Variants in PTPRD observed in about 807,000 individuals in gnomAD.
The protein encoded by PTPRD is receptor-type tyrosine-protein phosphatase delta.
Under a neutral mutation model 214.5 loss-of-function variants are expected in PTPRD, and 34 were observed. The observed-to-expected ratio is 0.16, with a 90% CI of 0.12 to 0.21. The LOEUF (loss-of-function observed/expected upper bound fraction) is 0.21. Ranked by LOEUF, PTPRD falls within the 10% of genes least tolerant of loss-of-function variation. PTPRD has a pLI of 1.00. For synonymous variants in PTPRD, 1,128 were observed against 845.7 expected (o/e 1.33, Z -5.79); for missense variants, 2,545 against 2,398.7 (o/e 1.06, Z -1.27).
At chr9:9,082,412 G>A (rs2099760615) in intron 10 of PTPRD, among the ~76,000 whole-genome samples, 1 of 152,078 alleles carries the variant, frequency 6.6e-6, no homozygotes, top group Admixed American at 6.6e-5. Flanking sequence ...ACCGCTTCAT[G>A]CTAAAAACTC....
chr9:10,497,830 T>C (rs746660121), intron 2 of PTPRD, among the ~76,000 whole-genome samples: 1 of 152,052 alleles, frequency 6.6e-6, no homozygotes, highest in Non-Finnish European at 1.5e-5. Context: ...TATTGTTTTA[T>C]AAAAATATCC....
rs2096818639 is a variant in PTPRD at position 8,651,870 on chromosome 9, T to TAAC, written c.65-15029_65-15027dup. On this transcript the variant is annotated intron_variant, in intron 12 of 45. Transcript: ENST00000381196. ...AACACTTGGCACTATAGACACAAGGTAACACTACACGAATATTCTTGAAAC... is the reference window on the plus strand; with the variant it reads ...AACACTTGGCACTATAGACACAAGGTAACAACACTACACGAATATTCTTGAAAC... Among the ~76,000 whole-genome samples the TAAC allele has an allele frequency of 2.0e-5, 3 of 152,310 alleles. No individual in the cohort carries two copies. In the South Asian group the frequency reaches 6.2e-4, roughly 32 times the overall value.
intron 9 of PTPRD, among the ~76,000 whole-genome samples, chr9:9,286,944 G>C (rs117824057): frequency 8.9e-6 from 1 of 112,608 alleles, no homozygotes; most frequent in Non-Finnish European, 1.9e-5. Flanking sequence ...ATTTGTCTTT[G>C]GCTGGGCATA....
chr9:8,399,827 G>A (rs934729176), intron 36 of PTPRD, among the ~76,000 whole-genome samples: 8 of 152,136 alleles, frequency 5.3e-5, no homozygotes, highest in Non-Finnish European at 7.4e-5. Flanking sequence ...AAGAACAGCT[G>A]CCTTGAGACT....
At chr9:8,558,684 T>C (rs1195364941) in intron 14 of PTPRD, among the ~76,000 whole-genome samples, 1 of 152,198 alleles carries the variant, frequency 6.6e-6, no homozygotes, top group Non-Finnish European at 1.5e-5. Flanking sequence ...ATAAAAAATG[T>C]CTATTATTTT....
At chr9:9,933,330 C>T (rs1282589527) in intron 5 of PTPRD, among the ~76,000 whole-genome samples, 1 of 151,968 alleles carries the variant, frequency 6.6e-6, no homozygotes, top group African/African-American at 2.4e-5. Context: ...ATTCAGGAAA[C>T]CCATCTCACA....
intron 35 of PTPRD, among the ~76,000 whole-genome samples, chr9:8,431,975 GT>G (rs1269534067): frequency 1.3e-5 from 2 of 152,136 alleles, no homozygotes; most frequent in Admixed American, 6.5e-5. Context: ...TTTTTGGTTG[GT>G]ACGCTATTAA....
intron 30 of PTPRD, among the ~76,000 whole-genome samples, chr9:8,477,353 T>C (rs2096785884): frequency 6.6e-6 from 1 of 152,126 alleles, no homozygotes. Flanking sequence ...ATATTAGATT[T>C]AATTAGATAA....
chr9:9,027,629 G>T (rs79144601), intron 10 of PTPRD, among the ~76,000 whole-genome samples: 1 of 151,788 alleles, frequency 6.6e-6, no homozygotes, highest in Non-Finnish European at 1.5e-5. Context: ...TATCTATCAA[G>T]AGGTCTTAAT....
intron 3 of PTPRD, among the ~76,000 whole-genome samples, chr9:10,128,553 AC>A (rs1277959812): frequency 6.6e-6 from 1 of 152,096 alleles, no homozygotes; most frequent in Non-Finnish European, 1.5e-5. Context: ...TTGATCTAGG[AC>A]TTTCAGCCTC....
intron 10 of PTPRD, among the ~76,000 whole-genome samples, chr9:9,139,039 T>C (rs1006404174): frequency 9.2e-5 from 14 of 152,128 alleles, no homozygotes; most frequent in African/African-American, 3.4e-4. Flanking sequence ...AGAGCCAGGA[T>C]AGACTCTCAA....
intron 11 of PTPRD, among the ~76,000 whole-genome samples, chr9:8,934,506 AATATATATATATAAATAT>A (rs2098982328): frequency 9.6e-5 from 1 of 10,414 alleles, no homozygotes; most frequent in East Asian, 4.6e-3. Flanking sequence ...TATATATATA[AATATATATATATAAATAT>A]ATATATATAT....
chr9:8,561,579 AGGCCC>A (rs1310984137), intron 14 of PTPRD, among the ~76,000 whole-genome samples: 8 of 152,120 alleles, frequency 5.3e-5, no homozygotes, highest in Admixed American at 5.2e-4. Context: ...CTCCAGCAGC[AGGCCC>A]AGGGCTGAGC....
At position 8,544,224 on chromosome 9, in the gene PTPRD, T is replaced by C. The variant is rs555506397; in HGVS notation, c.353-15445A>G. On this transcript the variant is annotated intron_variant, in intron 14 of 45. Coordinates refer to ENST00000381196, the MANE Select transcript of PTPRD (RefSeq NM_002839.4). ...GCTTTTTGCCCAGTCTGGAGGGCAG[T>C]GGTGCCATCTTGGCTCACTGCAACT... Among the ~76,000 whole-genome samples the C allele has an allele frequency of 2.6e-3, 358 of 139,806 alleles. 1 individual carries two copies. The highest frequency in any genetic ancestry group is 3.9e-3 in the Non-Finnish European group (257 of 65,580). 91.7% of individuals were successfully genotyped at this position (139,806 alleles called of 152,430 possible).
intron 9 of PTPRD, among the ~76,000 whole-genome samples, chr9:9,348,359 ATT>A (rs1444314482): frequency 6.6e-6 from 1 of 152,108 alleles, no homozygotes; most frequent in Non-Finnish European, 1.5e-5. Context: ...TTCCTCCAAC[ATT>A]TATTTTCAAT....
chr9:9,688,166 T>C (rs370503518), intron 7 of PTPRD, among the ~76,000 whole-genome samples: 6 of 151,892 alleles, frequency 4.0e-5, no homozygotes, highest in African/African-American at 1.4e-4. Flanking sequence ...CTCTTTTCTT[T>C]ATAAATTCCA....
chr9:8,705,748 T>C (rs1302123217), intron 12 of PTPRD, among the ~76,000 whole-genome samples: 2 of 152,226 alleles, frequency 1.3e-5, no homozygotes, highest in Non-Finnish European at 2.9e-5. Flanking sequence ...TATAATTATG[T>C]ATCACATGTT....
chr9:8,977,662 AG>A (rs1223723576), intron 11 of PTPRD, among the ~76,000 whole-genome samples: 1 of 121,172 alleles, frequency 8.3e-6, no homozygotes, highest in Admixed American at 8.9e-5. Context: ...TGTAACAAGG[AG>A]AATTTTTTTT....
intron 10 of PTPRD, among the ~76,000 whole-genome samples, chr9:9,084,319 G>A (rs562820718): frequency 1.9e-4 from 29 of 152,178 alleles, no homozygotes; most frequent in African/African-American, 4.1e-4. Context: ...ACCAAACACC[G>A]CATGTTCTCA....
Sources: gnomAD v4.1 joint callset for allele counts (sites outside exome capture counted in the v4.1 genomes callset) on GRCh38, gnomAD v4.1.1 for gene constraint, MANE v1.5 for transcripts, NCBI Gene and HGNC (gene_info 2026-07-23, HGNC 2026-07-21) for gene names.